Variants in PECR observed in about 807,000 individuals in gnomAD.
The protein encoded by PECR is 2,4-dienoyl-CoA reductase-related protein.
Under a neutral mutation model 35.3 loss-of-function variants are expected in PECR, and 30 were observed. That is an observed-to-expected ratio of 0.85 (90% CI 0.64 to 1.15). PECR has a LOEUF of 1.15. Ranked by LOEUF, PECR falls within the 50% of genes most tolerant of loss-of-function variation. PECR has a pLI of 0.00. For synonymous variants in PECR, 148 were observed against 138.9 expected (o/e 1.07, Z -0.46); for missense variants, 392 against 370.8 (o/e 1.06, Z -0.47).
At chr2:216,044,248 T>C (rs566885499) in intron 6 of PECR, among the ~76,000 whole-genome samples, 1 of 152,148 alleles carries the variant, frequency 6.6e-6, no homozygotes, top group African/African-American at 2.4e-5. Context: ...GGTGGCAAGG[T>C]ATGAGGGAGC....
chr2:216,057,265 A>G (rs1271046705), intron 4 of PECR, among the ~76,000 whole-genome samples: 1 of 152,206 alleles, frequency 6.6e-6, no homozygotes, highest in Non-Finnish European at 1.5e-5. Flanking sequence ...GGTAATAACA[A>G]AAGGTTGGAA....
At chr2:216,065,502 TAAAAGG>T in intron 2 of PECR, 25 bp from the exon 3 acceptor site, 1 of 1,489,688 alleles carries the variant, frequency 6.7e-7, no homozygotes, top group Non-Finnish European at 9.4e-7. Flanking sequence ...TAGAAGTTAC[TAAAAGG>T]AAAAGTTTAA....
intron 7 of PECR, among the ~76,000 whole-genome samples, chr2:216,042,259 A>C (rs894114585): frequency 7.9e-5 from 12 of 152,222 alleles, no homozygotes; most frequent in African/African-American, 2.9e-4. Flanking sequence ...AAGTAACCCC[A>C]AACAACTGGT....
At chr2:216,049,394 G>A (rs1475760797) in intron 5 of PECR, 21 bp from the exon 6 acceptor site, 1 of 1,008,248 alleles carries the variant, frequency 9.9e-7, no homozygotes, top group South Asian at 1.3e-5. Context: ...AAATAAAACA[G>A]GGACAAAATA....
At chr2:216,074,983 GA>G (rs1185599503) in intron 1 of PECR, among the ~76,000 whole-genome samples, 1 of 152,190 alleles carries the variant, frequency 6.6e-6, no homozygotes, top group African/African-American at 2.4e-5. Context: ...TACTACCATT[GA>G]AAAACACAAG....
chr2:216,051,115 A>G (rs12694383), intron 5 of PECR, among the ~76,000 whole-genome samples: 109,918 of 150,718 alleles, frequency 0.73, 40,170 homozygotes, highest in Admixed American at 0.77. Flanking sequence ...GTGAAAACCC[A>G]TCTCTACTAA....
At chr2:216,041,849 T>C (rs941257667) in intron 7 of PECR, among the ~76,000 whole-genome samples, 6 of 152,226 alleles carry the variant, frequency 3.9e-5, no homozygotes, top group Admixed American at 1.3e-4. Flanking sequence ...AGCTTCCAGA[T>C]AGCTGAACAC....
chr2:216,077,416 A>T (rs1574709611), intron 1 of PECR, among the ~76,000 whole-genome samples: 1 of 152,062 alleles, frequency 6.6e-6, no homozygotes, highest in Non-Finnish European at 1.5e-5. Flanking sequence ...CTGAGGCAGG[A>T]GAATGGCTTG....
intron 7 of PECR, among the ~76,000 whole-genome samples, chr2:216,042,987 ATATACATACGTATATGTG>A (rs1268433958): frequency 3.5e-5 from 5 of 144,908 alleles, no homozygotes; most frequent in African/African-American, 1.3e-4. Context: ...GTGTATATAT[ATATACATACGTATATGTG>A]TATATATATA....
At position 216,051,549 on chromosome 2, in the gene PECR, T is replaced by C. The variant is rs756164158; in HGVS notation, c.507-4A>G. 29 of 1,578,352 alleles carry C rather than the reference T, an allele frequency of 1.8e-5. No individual in the cohort carries two copies. The African/African-American group carries it at 2.7e-4, about 15-fold the overall frequency. On this transcript the variant is annotated splice_polypyrimidine_tract_variant and splice_region_variant and intron_variant, in intron 4 of 7. Transcript: ENST00000265322. Reference sequence around the variant, plus strand: ...TGCTCTTGCAGCTCCAGAATGCCTTTGAAAGACAAAACATAAACATGACAA... The same window carrying C: ...TGCTCTTGCAGCTCCAGAATGCCTTCGAAAGACAAAACATAAACATGACAA...
chr2:216,056,467 T>A (rs62181304), intron 4 of PECR, among the ~76,000 whole-genome samples: 14,499 of 152,096 alleles, frequency 0.095, 977 homozygotes, highest in Non-Finnish European at 0.15. Flanking sequence ...ATGCCTGTAA[T>A]CCCAGCACTT....
chr2:216,037,783 TA>T (rs1694818233), downstream of PECR, among the ~76,000 whole-genome samples: 1 of 151,962 alleles, frequency 6.6e-6, no homozygotes, highest in South Asian at 2.1e-4. Context: ...TCACACACTT[TA>T]AAATGAGGGT....
At chr2:216,034,767 G>A (rs1694767338), downstream of PECR, among the ~76,000 whole-genome samples, 1 of 152,140 alleles carries the variant, frequency 6.6e-6, no homozygotes, top group African/African-American at 2.4e-5. Flanking sequence ...CCAGGGGAGT[G>A]TCATTTCCGC....
At chr2:216,061,914 C>T (rs970305828) in intron 3 of PECR, among the ~76,000 whole-genome samples, 1 of 151,498 alleles carries the variant, frequency 6.6e-6, no homozygotes, top group South Asian at 2.1e-4. Flanking sequence ...AAACAAAGTA[C>T]CTTTGTATCT....
chr2:216,040,381 G>A (rs1272157918), intron 7 of PECR, among the ~76,000 whole-genome samples: 1 of 152,102 alleles, frequency 6.6e-6, no homozygotes, highest in Non-Finnish European at 1.5e-5. Flanking sequence ...TCCCACCTAA[G>A]CCTCCCAAGT....
chr2:216,043,351 C>G (rs1378604582), intron 7 of PECR, among the ~76,000 whole-genome samples: 6 of 151,904 alleles, frequency 3.9e-5, no homozygotes, highest in African/African-American at 1.5e-4. Flanking sequence ...CTCAAGTGAT[C>G]CACTTGCCTC....
chr2:216,033,797 A>G (rs1264819914), downstream of PECR: 3 of 152,382 alleles, frequency 2.0e-5, no homozygotes, highest in African/African-American at 7.2e-5. Flanking sequence ...ACTGCCTCTC[A>G]CTAGACTGAG....
At chr2:216,058,230 G>C (rs372933923) in intron 4 of PECR, among the ~76,000 whole-genome samples, 5 of 152,120 alleles carry the variant, frequency 3.3e-5, no homozygotes, top group East Asian at 3.8e-4. Flanking sequence ...CAAGTGATGG[G>C]GATGTGGCTG....
At chr2:216,042,294 TTGTTG>T (rs1338757211) in intron 7 of PECR, among the ~76,000 whole-genome samples, 4 of 152,202 alleles carry the variant, frequency 2.6e-5, no homozygotes, top group Non-Finnish European at 4.4e-5. Context: ...GTGCTAATGG[TTGTTG>T]TGTTGTGAGA....
Sources: allele counts gnomAD v4.1 joint callset (sites outside exome capture counted in the v4.1 genomes callset), GRCh38; gene constraint gnomAD v4.1.1; transcripts MANE v1.5; gene names NCBI Gene and HGNC (gene_info 2026-07-23, HGNC 2026-07-21).